The following CSMD1 variants were observed in gnomAD, a reference collection of about 807,000 sequenced individuals.
CSMD1 encodes CUB and Sushi multiple domains 1, also known as CUB and sushi domain-containing protein 1.
In CSMD1, 213 loss-of-function variants were observed where a neutral mutation model predicts 417.5. The ratio of observed to expected loss-of-function variants is 0.51; its 90% CI spans 0.46 to 0.57. CSMD1 has a LOEUF of 0.57. Among genes scored for constraint, CSMD1 ranks in the 20% least tolerant of loss-of-function variants. CSMD1 has a pLI of 0.00. For synonymous variants in CSMD1, 2,862 were observed against 1,736.8 expected, an observed-to-expected ratio of 1.65 and a Z score of -16.11; for missense variants, 6,923 against 4,529.7, an observed-to-expected ratio of 1.53 and a Z score of -15.17.
At chr8:4,232,358 C>G (rs575137277) in intron 3 of CSMD1, among the ~76,000 whole-genome samples, 2 of 152,138 alleles carry the variant, frequency 1.3e-5, no homozygotes, top group Non-Finnish European at 2.9e-5. Context: ...GCCATTAAGC[C>G]TGACTAATTT....
At chr8:3,725,943 G>C (rs549417389) in intron 6 of CSMD1, among the ~76,000 whole-genome samples, 1 of 152,080 alleles carries the variant, frequency 6.6e-6, no homozygotes, top group African/African-American at 2.4e-5. Context: ...CTAATGACTC[G>C]CAAGCAATGA....
intron 3 of CSMD1, among the ~76,000 whole-genome samples, chr8:4,218,136 G>C (rs1385962309): frequency 6.6e-6 from 1 of 152,166 alleles, no homozygotes; most frequent in Non-Finnish European, 1.5e-5. Context: ...CAGGGTATAA[G>C]TAACTCCTAC....
intron 49 of CSMD1, among the ~76,000 whole-genome samples, chr8:3,075,361 A>G (rs1303903989): frequency 6.7e-6 from 1 of 148,520 alleles, no homozygotes; most frequent in African/African-American, 2.5e-5. Flanking sequence ...GGCTCACCAC[A>G]ACCTCCACCT....
chr8:4,597,643 G>A (rs1318741105), intron 2 of CSMD1, among the ~76,000 whole-genome samples: 2 of 152,102 alleles, frequency 1.3e-5, no homozygotes, highest in African/African-American at 2.4e-5. Context: ...TGAGACATCT[G>A]TAGCATACTA....
At chr8:4,922,654 G>T (rs569202853) in intron 1 of CSMD1, among the ~76,000 whole-genome samples, 1 of 152,112 alleles carries the variant, frequency 6.6e-6, no homozygotes, top group Non-Finnish European at 1.5e-5. Context: ...CAGTTCACAT[G>T]GTGCAGCCTG....
At chr8:3,679,778 G>C (rs909030746) in intron 7 of CSMD1, among the ~76,000 whole-genome samples, 2 of 152,206 alleles carry the variant, frequency 1.3e-5, no homozygotes, top group Admixed American at 6.5e-5. Flanking sequence ...TGACCACATA[G>C]TTGGAAGTAA....
intron 68 of CSMD1, among the ~76,000 whole-genome samples, chr8:2,944,093 T>C (rs1017559137): frequency 4.6e-5 from 7 of 152,316 alleles, no homozygotes; most frequent in Non-Finnish European, 7.3e-5. Context: ...TGGAGCAATG[T>C]TGGCTTTTTA....
chr8:3,233,975 C>T (rs1334641906), intron 26 of CSMD1, among the ~76,000 whole-genome samples: 1 of 152,182 alleles, frequency 6.6e-6, no homozygotes, highest in African/African-American at 2.4e-5. Context: ...GCATCTATGT[C>T]TCTGTCAACA....
chr8:4,030,736 T>C (rs997629120), intron 4 of CSMD1, among the ~76,000 whole-genome samples: 1 of 152,212 alleles, frequency 6.6e-6, no homozygotes, highest in Admixed American at 6.5e-5. Flanking sequence ...AATGGGATTT[T>C]CTTTTCTATC....
intron 5 of CSMD1, among the ~76,000 whole-genome samples, chr8:3,815,701 C>G (rs1801332261): frequency 6.6e-6 from 1 of 150,480 alleles, no homozygotes; most frequent in Admixed American, 6.6e-5. Context: ...GTGACTTTTT[C>G]ATACTCTGAA....
intron 26 of CSMD1, among the ~76,000 whole-genome samples, chr8:3,283,862 G>T (rs1802931466): frequency 1.3e-5 from 2 of 152,136 alleles, no homozygotes; most frequent in Admixed American, 1.3e-4. Flanking sequence ...CTCTTTCTTT[G>T]GGTCTTCATT....
intron 10 of CSMD1, among the ~76,000 whole-genome samples, chr8:3,517,769 G>T (rs923450467): frequency 4.6e-5 from 7 of 152,068 alleles, no homozygotes; most frequent in Admixed American, 6.5e-5. Flanking sequence ...TTCAAGGCTG[G>T]GAAATTTGTA....
chr8:3,276,842 G>T (rs1471642285), intron 26 of CSMD1, among the ~76,000 whole-genome samples: 1 of 152,026 alleles, frequency 6.6e-6, no homozygotes, highest in Non-Finnish European at 1.5e-5. Context: ...GCAGACACTT[G>T]TTGGATATTG....
chr8:4,607,420 G>C (rs1240244294), intron 2 of CSMD1, among the ~76,000 whole-genome samples: 1 of 152,120 alleles, frequency 6.6e-6, no homozygotes, highest in Non-Finnish European at 1.5e-5. Flanking sequence ...ACAACTTCAC[G>C]TGACTAAGCA....
intron 31 of CSMD1, among the ~76,000 whole-genome samples, chr8:3,203,543 C>T (rs901800241): frequency 1.3e-5 from 2 of 152,050 alleles, no homozygotes; most frequent in Non-Finnish European, 2.9e-5. Flanking sequence ...TATCAGCGAA[C>T]GGAATACAAA....
chr8:4,364,082 A>G (rs1801932393), intron 3 of CSMD1, among the ~76,000 whole-genome samples: 1 of 152,214 alleles, frequency 6.6e-6, no homozygotes, highest in Non-Finnish European at 1.5e-5. Context: ...TAAGTGCTTG[A>G]GGGAATAGCT....
intron 6 of CSMD1, among the ~76,000 whole-genome samples, chr8:3,721,849 G>C (rs557053937): frequency 1.7e-4 from 26 of 152,206 alleles, no homozygotes; most frequent in African/African-American, 5.8e-4. Flanking sequence ...TCTGAGAGGC[G>C]CTGTATGAAG....
chr8:3,507,172 A>AG (rs1435427369), intron 10 of CSMD1, among the ~76,000 whole-genome samples: 5 of 152,212 alleles, frequency 3.3e-5, no homozygotes, highest in African/African-American at 1.2e-4. Flanking sequence ...AGTGGTTTAG[A>AG]GGGGAACTCA....
rs539131861 is a variant in CSMD1 at position 4,030,226 on chromosome 8, CTG to C, written c.610+1677_610+1678del. Among the ~76,000 whole-genome samples, 30 of 152,244 alleles carry C rather than the reference CTG, an allele frequency of 2.0e-4. No homozygotes were observed. In the East Asian group the frequency reaches 5.8e-3, roughly 30 times the overall value. Reference sequence around the variant, plus strand: ...CTAGGGCGGTGCCCCAGTAGGGACTCTGTGGGGGAGCTCTGACCCCACATTTC... The same window carrying C: ...CTAGGGCGGTGCCCCAGTAGGGACTCTGGGGGAGCTCTGACCCCACATTTC... On this transcript the variant is annotated intron_variant, in intron 4 of 69. Coordinates refer to ENST00000635120, the MANE Select transcript of CSMD1 (RefSeq NM_033225.6).
Sources: allele counts gnomAD v4.1 joint callset (sites outside exome capture counted in the v4.1 genomes callset), GRCh38; gene constraint gnomAD v4.1.1; transcripts MANE v1.5; gene names NCBI Gene and HGNC (gene_info 2026-07-23, HGNC 2026-07-21).